MITF: variants seen among roughly 807,000 people sequenced by gnomAD.
MITF encodes the protein melanocyte inducing transcription factor.
In MITF, 17 loss-of-function variants were observed where a neutral mutation model predicts 60.5. The observed-to-expected ratio is 0.28, with a 90% CI of 0.19 to 0.42. The LOEUF is 0.42. Ranked by LOEUF, MITF falls within the 10% of genes least tolerant of loss-of-function variation. The pLI, the probability that MITF is intolerant of heterozygous loss-of-function variation, is 1.00. For missense variants in MITF, 622 were observed against 683.5 expected, an observed-to-expected ratio of 0.91 and a Z score of 1.00; for synonymous variants, 260 against 248.5, an observed-to-expected ratio of 1.05 and a Z score of -0.43.
intron 1 of MITF, among the ~76,000 whole-genome samples, chr3:69,875,678 A>G (rs904186085): frequency 1.3e-5 from 2 of 152,218 alleles, no homozygotes; most frequent in African/African-American, 4.8e-5. Context: ...GCCACTTGTA[A>G]TGTTCTCACA....
intron 2 of MITF, among the ~76,000 whole-genome samples, chr3:69,919,969 C>T (rs902272432): frequency 1.5e-4 from 23 of 152,084 alleles, no homozygotes; most frequent in African/African-American, 4.6e-4. Flanking sequence ...AATAGTTATA[C>T]CAGATATAGA....
chr3:69,944,046 A>T lies in MITF; in HGVS notation c.762+2715A>T, dbSNP rs573754220. ...GAGTTCAAGGATGCAATGAATCATG[A>T]TCGTGCCACTGTCCTTTAGCCTGGG... On this transcript the variant is annotated intron_variant, in intron 5 of 9. Coordinates refer to ENST00000352241, the MANE Select transcript of MITF (RefSeq NM_001354604.2). 2.6e-5 allele frequency among the ~76,000 whole-genome samples: 4 copies of T among 152,292 alleles called. No homozygotes were observed. In the South Asian group the frequency reaches 8.3e-4, roughly 32 times the overall value.
rs2066717926 is a variant in MITF, at chr3:69,967,476, G to T, written c.*2228G>T. 1.3e-5 allele frequency: 3 copies of T among 233,446 alleles called. No individual in the cohort carries two copies. Among genetic ancestry groups the T allele is most frequent in the Admixed American group, 1.1e-4 (2 of 17,778 alleles). 14.5% of individuals were successfully genotyped at this position (233,446 alleles called of 1,614,324 possible). A position where few individuals can be genotyped will look rare whatever the true frequency, so the allele number is the denominator to read the frequency against. On this transcript the variant is annotated 3_prime_UTR_variant, in exon 10 of 10. Coordinates refer to ENST00000352241, the MANE Select transcript of MITF (RefSeq NM_001354604.2). ...TAGTTTTCCTTAGCTGATTTTGAGG[G>T]TTTTTAAAAATAAAGCAAGGTTGAC...
chr3:69,783,404 A>G (rs1274014041), intron 1 of MITF, among the ~76,000 whole-genome samples: 2 of 151,940 alleles, frequency 1.3e-5, no homozygotes, highest in African/African-American at 4.8e-5. Flanking sequence ...AAGGGGCTTT[A>G]TCTGAATACA....
intron 2 of MITF, among the ~76,000 whole-genome samples, chr3:69,897,413 A>C (rs919115177): frequency 2.0e-5 from 3 of 152,266 alleles, no homozygotes; most frequent in African/African-American, 7.2e-5. Flanking sequence ...AATGCTTTAC[A>C]GAGAAGAAAA....
chr3:69,962,656 G>A (rs2066579436), intron 9 of MITF, among the ~76,000 whole-genome samples: 1 of 152,284 alleles, frequency 6.6e-6, no homozygotes, highest in South Asian at 2.1e-4. Flanking sequence ...GGAAGGGATA[G>A]CATTGGAATG....
In MITF at chr3:69,966,369, A is replaced by G. The variant is rs1199854496; in HGVS notation, c.*1121A>G. ...GCTTTGCGAATATTTTGTAAATTAC[A>G]GTCTCACTCAGAACTGTTTTTGGAC... On this transcript the variant is annotated 3_prime_UTR_variant, in exon 10 of 10. Transcript: ENST00000352241. 8.6e-6 allele frequency: 2 copies of G among 232,906 alleles called. No individual in the cohort carries two copies. The highest frequency in any genetic ancestry group is 4.4e-5 in the African/African-American group (2 of 45,346). 14.4% of individuals were successfully genotyped at this position (232,906 alleles called of 1,614,324 possible). A position where few individuals can be genotyped will look rare whatever the true frequency, so the allele number is the denominator to read the frequency against.
At chr3:69,758,743 G>A (rs908249762) in intron 1 of MITF, 10 of 207,344 alleles carry the variant, frequency 4.8e-5, no homozygotes, top group African/African-American at 2.3e-4. Flanking sequence ...AGTGTTTCTG[G>A]TGTGCTAGAA....
chr3:69,923,583 G>A (rs76945706), intron 2 of MITF, among the ~76,000 whole-genome samples: 3,998 of 152,206 alleles, frequency 0.026, 99 homozygotes, highest in African/African-American at 0.065. Flanking sequence ...TGGCCTCCCA[G>A]AGTGCTGGGA....
At chr3:69,854,979 A>G (rs771576242) in intron 1 of MITF, among the ~76,000 whole-genome samples, 4 of 152,130 alleles carry the variant, frequency 2.6e-5, no homozygotes, top group Non-Finnish European at 5.9e-5. Flanking sequence ...GCCCCATCCC[A>G]GCCCTAGGTT....
chr3:69,818,215 A>G (rs1046969470), intron 1 of MITF, among the ~76,000 whole-genome samples: 3 of 152,196 alleles, frequency 2.0e-5, no homozygotes, highest in Non-Finnish European at 4.4e-5. Flanking sequence ...CATGCAACTT[A>G]AGGGGACCTA....
chr3:69,845,438 C>CTT lies in MITF; in HGVS notation c.105-33694_105-33693dup, dbSNP rs202135701. ...TCTTTTCTTTTCTTTTTTCTTTTTTCTTTCTTTTTTTTTTTTTTGCTATTT... is the reference window on the plus strand; with the variant it reads ...TCTTTTCTTTTCTTTTTTCTTTTTTCTTTTTCTTTTTTTTTTTTTTGCTATTT... On this transcript the variant is annotated intron_variant, in intron 1 of 9. Coordinates refer to ENST00000352241, the MANE Select transcript of MITF (RefSeq NM_001354604.2). 2.6e-3 allele frequency among the ~76,000 whole-genome samples: 345 copies of CTT among 133,602 alleles called. 7 individuals are homozygous for CTT. Among genetic ancestry groups the CTT allele is most frequent in the Non-Finnish European group, 3.7e-3 (225 of 61,322 alleles). 87.6% of individuals were successfully genotyped at this position (133,602 alleles called of 152,430 possible). A position where few individuals can be genotyped will look rare whatever the true frequency, so the allele number is the denominator to read the frequency against.
chr3:69,796,030 G>T (rs1456294467), intron 1 of MITF, among the ~76,000 whole-genome samples: 1 of 152,138 alleles, frequency 6.6e-6, no homozygotes, highest in Non-Finnish European at 1.5e-5. Flanking sequence ...CGCCCAGGCT[G>T]GAGAGCAGTG....
At chr3:69,845,438 C>CTTTTTTTTTTTTTTTTTTTTTT (rs202135701) in intron 1 of MITF, among the ~76,000 whole-genome samples, 4 of 133,676 alleles carry the variant, frequency 3.0e-5, no homozygotes, top group Non-Finnish European at 3.3e-5. Flanking sequence ...TTTCTTTTTT[C>CTTTTTTTTTTTTTTTTTTTTTT]TTTCTTTTTT....
At chr3:69,891,888 A>G (rs1206431749) in intron 2 of MITF, among the ~76,000 whole-genome samples, 1 of 152,204 alleles carries the variant, frequency 6.6e-6, no homozygotes, top group Admixed American at 6.5e-5. Context: ...TATTATGTGC[A>G]TATATTTATG....
intron 1 of MITF, among the ~76,000 whole-genome samples, chr3:69,834,469 C>T (rs2063506453): frequency 6.6e-6 from 1 of 152,140 alleles, no homozygotes; most frequent in Non-Finnish European, 1.5e-5. Flanking sequence ...ATGATAGCCT[C>T]CAGTTTCATC....
intron 1 of MITF, among the ~76,000 whole-genome samples, chr3:69,773,243 A>T (rs1162822505): frequency 6.6e-6 from 1 of 152,126 alleles, no homozygotes; most frequent in Non-Finnish European, 1.5e-5. Flanking sequence ...GGCTGAGCAA[A>T]GTGGGGAGTT....
At chr3:69,887,668 T>C (rs1403884679) in intron 2 of MITF, among the ~76,000 whole-genome samples, 1 of 152,000 alleles carries the variant, frequency 6.6e-6, no homozygotes, top group Non-Finnish European at 1.5e-5. Flanking sequence ...AAAAAGAAAT[T>C]GTTTTAATTA....
chr3:69,849,798 A>C (rs888749533), intron 1 of MITF, among the ~76,000 whole-genome samples: 1 of 152,116 alleles, frequency 6.6e-6, no homozygotes, highest in Admixed American at 6.5e-5. Context: ...TTTTCCTAGC[A>C]TGTACCTCAC....
Sources: allele counts gnomAD v4.1 joint callset (sites outside exome capture counted in the v4.1 genomes callset), GRCh38; gene constraint gnomAD v4.1.1; transcripts MANE v1.5; gene names NCBI Gene and HGNC (gene_info 2026-07-23, HGNC 2026-07-21).